The following TMEM230 variants were observed in gnomAD, a reference collection of about 807,000 sequenced individuals.
The protein encoded by TMEM230 is UPF0414 transmembrane protein C20orf30.
Under a neutral mutation model 15.8 loss-of-function variants are expected in TMEM230, and 10 were observed. The observed-to-expected ratio is 0.63, with a 90% confidence interval of 0.39 to 1.07. The LOEUF (loss-of-function observed/expected upper bound fraction) is 1.07. Ranked by LOEUF, TMEM230 falls within the 50% of genes least tolerant of loss-of-function variation. The pLI, the probability that TMEM230 is intolerant of heterozygous loss-of-function variation, is 0.01. For synonymous variants in TMEM230, 67 were observed against 76.9 expected (o/e 0.87, Z 0.68); for missense variants, 165 against 193.3 (o/e 0.85, Z 0.87).
At position 5,105,811 on chromosome 20, in the gene TMEM230, G is replaced by A. The variant is rs145348148; in HGVS notation, c.411+377C>T. Among the ~76,000 whole-genome samples the A allele has an allele frequency of 3.2e-3, 491 of 151,840 alleles. 1 individual carries two copies. Among genetic ancestry groups the A allele is most frequent in the African/African-American group, 0.011 (473 of 41,376 alleles). ...CCCAGCACTTTGGAAGGCTGAGGCA[G>A]GCAGACTGCTTGACCTCAGGAGTTA... On this transcript the variant is annotated intron_variant, in intron 4 of 4. Transcript: ENST00000342308.
downstream of TMEM230, among the ~76,000 whole-genome samples, chr20:5,096,550 C>A (rs962576196): frequency 1.3e-5 from 2 of 152,176 alleles, no homozygotes; most frequent in African/African-American, 2.4e-5. Context: ...TACTGTCCTT[C>A]TACCAGGTTC....
chr20:5,071,948 A>C (rs2088842564), intron 3 of TMEM230, among the ~76,000 whole-genome samples: 1 of 152,068 alleles, frequency 6.6e-6, no homozygotes, highest in Non-Finnish European at 1.5e-5. Context: ...ATGGGGTTTC[A>C]CCATGTTGGT....
At chr20:5,108,665 T>G (rs1414644935) in intron 3 of TMEM230, among the ~76,000 whole-genome samples, 1 of 152,202 alleles carries the variant, frequency 6.6e-6, no homozygotes, top group African/African-American at 2.4e-5. Context: ...AATTTATTTA[T>G]TTATAAAGGA....
downstream of TMEM230, among the ~76,000 whole-genome samples, chr20:5,066,867 G>GC (rs571876596): frequency 1.7e-3 from 253 of 152,014 alleles, no homozygotes; most frequent in African/African-American, 5.8e-3. Context: ...CCAGTCTCTG[G>GC]CCCCCACCCC....
chr20:5,064,366 C>T (rs2088632093), downstream of TMEM230, among the ~76,000 whole-genome samples: 1 of 151,750 alleles, frequency 6.6e-6, no homozygotes, highest in Non-Finnish European at 1.5e-5. Context: ...CACCTGAGTT[C>T]GAGAGTTCAA....
chr20:5,113,070 G>C lies in TMEM230; in HGVS notation c.-42C>G. The C allele has an allele frequency of 1.3e-6, 2 of 1,538,614 alleles. No individual in the cohort carries two copies. Among genetic ancestry groups the C allele is most frequent in the Non-Finnish European group, 1.7e-6 (2 of 1,145,302 alleles). ...GTGCCACTCAGCCGGCCCCAGGCGG[G>C]ATCAGTGCGCCGGAAGTGGCGTGCC... On this transcript the variant is annotated 5_prime_UTR_variant, in exon 1 of 5. It adds an upstream start codon to the 5' untranslated region. Transcript: ENST00000342308.
intron 4 of TMEM230, among the ~76,000 whole-genome samples, chr20:5,104,901 C>T (rs1188985234): frequency 2.0e-5 from 3 of 152,130 alleles, no homozygotes; most frequent in Admixed American, 6.5e-5. Context: ...GGAAGGTTAA[C>T]GGGTACAAAA....
At position 5,100,701 on chromosome 20, in the gene TMEM230, G is replaced by A; in HGVS notation, c.*90C>T. 5.3e-6 allele frequency: 8 copies of A among 1,521,934 alleles called. No homozygotes were observed. Among genetic ancestry groups the A allele is most frequent in the Middle Eastern group, 2.5e-4 (1 of 4,026 alleles). 94.3% of individuals were successfully genotyped at this position (1,521,934 alleles called of 1,614,324 possible). On this transcript the variant is annotated 3_prime_UTR_variant, in exon 5 of 5. Transcript: ENST00000342308. ...TTTTCTTAAACATCTGCAAGCTGCA[G>A]AATTCCTTAGTCCTCAGCTATAGTT...
At chr20:5,073,152 CCTT>C (rs1193917129) in intron 3 of TMEM230, among the ~76,000 whole-genome samples, 5 of 152,110 alleles carry the variant, frequency 3.3e-5, no homozygotes, top group Admixed American at 6.6e-5. Flanking sequence ...TCAGGGTTAT[CCTT>C]CTTCAAAGCA....
intron 3 of TMEM230, among the ~76,000 whole-genome samples, 162 bp from the exon 3 acceptor site, chr20:5,106,472 T>C (rs578017144): frequency 2.4e-4 from 37 of 152,268 alleles, no homozygotes; most frequent in African/African-American, 6.5e-4. Flanking sequence ...GGCGTGATCT[T>C]GGCTCACTGC....
At position 5,080,591 on chromosome 20, in the gene TMEM230, G is replaced by C. The variant is rs184691384; in HGVS notation, c.223-11242C>G. Among the ~76,000 whole-genome samples the C allele has an allele frequency of 1.1e-4, 16 of 151,374 alleles. No homozygotes were observed. In the South Asian group the frequency reaches 3.1e-3, roughly 30 times the overall value. On this transcript the variant is annotated intron_variant, in intron 3 of 3. Coordinates refer to the TMEM230 transcript ENST00000612323. ...TCTGTCTTTTTTTTTTTTTGAAATG[G>C]AGTCTCAGTCTATTGCCCAAGCTGG...
intron 3 of TMEM230, among the ~76,000 whole-genome samples, chr20:5,078,991 A>T (rs1318859101): frequency 6.6e-6 from 1 of 152,218 alleles, no homozygotes; most frequent in Non-Finnish European, 1.5e-5. Context: ...ACTATTTATT[A>T]AACAAGCTAT....
chr20:5,064,126 G>T (rs575332975), downstream of TMEM230, among the ~76,000 whole-genome samples: 41 of 151,976 alleles, frequency 2.7e-4, no homozygotes, highest in Non-Finnish European at 5.1e-4. Context: ...AATTAGACAG[G>T]TGTGGTAGCG....
intron 3 of TMEM230, among the ~76,000 whole-genome samples, chr20:5,074,912 C>T (rs1401909599): frequency 6.6e-6 from 1 of 152,198 alleles, no homozygotes; most frequent in South Asian, 2.1e-4. Flanking sequence ...ATTCTTCCGC[C>T]TTGGCCTCCC....
At chr20:5,091,303 C>T (rs1376948434) in intron 3 of TMEM230, among the ~76,000 whole-genome samples, 1 of 152,116 alleles carries the variant, frequency 6.6e-6, no homozygotes, top group East Asian at 1.9e-4. Flanking sequence ...CTCTGCCTCC[C>T]CGGTTCAAGT....
chr20:5,084,534 T>A (rs1408953261), intron 3 of TMEM230, among the ~76,000 whole-genome samples: 1 of 149,916 alleles, frequency 6.7e-6, no homozygotes, highest in East Asian at 2.0e-4. Context: ...TATTTTAATT[T>A]TTATTATTAT....
At position 5,069,137 on chromosome 20, in the gene TMEM230, T is replaced by A. The variant is rs757375187; in HGVS notation, c.*51A>T. 8 of 1,415,292 alleles carry A rather than the reference T, an allele frequency of 5.7e-6. No homozygotes were observed. The African/African-American group carries it at 1.0e-4, about 18-fold the overall frequency. The allele number at this position is 1,415,292 out of a possible 1,614,324, so 87.7% of individuals were successfully genotyped here. A position where few individuals can be genotyped will look rare whatever the true frequency, so the allele number is the denominator to read the frequency against. ...TGCTGACGTACTTATTCCTAGGACATTTTCAGTTTAGCCCTTTTAAGATGC... is the reference window on the plus strand; with the variant it reads ...TGCTGACGTACTTATTCCTAGGACAATTTCAGTTTAGCCCTTTTAAGATGC... On this transcript the variant is annotated 3_prime_UTR_variant, in exon 4 of 4. Coordinates refer to the TMEM230 transcript ENST00000612323.
intron 4 of TMEM230, among the ~76,000 whole-genome samples, chr20:5,104,713 A>T (rs1164077034): frequency 1.3e-5 from 2 of 152,250 alleles, no homozygotes; most frequent in Non-Finnish European, 2.9e-5. Flanking sequence ...AGATCCTGTC[A>T]CTTGCAACAA....
At chr20:5,100,995 C>T (rs1177114235) in intron 4 of TMEM230, 64 bp from the exon 4 acceptor site, 35 of 1,589,956 alleles carry the variant, frequency 2.2e-5, no homozygotes, top group Non-Finnish European at 2.9e-5. Context: ...AATAAAACGT[C>T]ACAGACCTAA....
Sources: allele counts gnomAD v4.1 joint callset (sites outside exome capture counted in the v4.1 genomes callset), GRCh38; gene constraint gnomAD v4.1.1; transcripts MANE v1.5; gene names NCBI Gene and HGNC (gene_info 2026-07-23, HGNC 2026-07-21).